The following PRDM6 variants were observed in gnomAD, a reference collection of about 807,000 sequenced individuals.
The protein encoded by PRDM6 is PR/SET domain 6.
Under a neutral mutation model 60.8 loss-of-function variants are expected in PRDM6, and 25 were observed. The ratio of observed to expected loss-of-function variants is 0.41; its 90% CI spans 0.30 to 0.57. The LOEUF is 0.57. Among genes scored for constraint, PRDM6 ranks in the 20% least tolerant of loss-of-function variants. PRDM6 has a pLI of 0.27. For synonymous variants in PRDM6, 407 were observed against 357.4 expected, an observed-to-expected ratio of 1.14 and a Z score of -1.57; for missense variants, 839 against 821.3, an observed-to-expected ratio of 1.02 and a Z score of -0.26.
chr5:123,125,151 T>A (rs59788802), intron 3 of PRDM6, among the ~76,000 whole-genome samples: 126,179 of 139,950 alleles, frequency 0.9, 56,514 homozygotes, highest in East Asian at 0.99. Context: ...CCGCACCCCC[T>A]CCCCCCCACC....
At chr5:123,124,542 A>G (rs1764651577) in intron 3 of PRDM6, among the ~76,000 whole-genome samples, 1 of 152,238 alleles carries the variant, frequency 6.6e-6, no homozygotes, top group Non-Finnish European at 1.5e-5. Flanking sequence ...ATTAAATGGA[A>G]TAAATCTGTT....
intron 3 of PRDM6, among the ~76,000 whole-genome samples, chr5:123,107,410 T>G (rs1044530694): frequency 6.6e-6 from 1 of 152,228 alleles, no homozygotes; most frequent in African/African-American, 2.4e-5. Context: ...CAGGTTTTCC[T>G]ATATAAGAAC....
At chr5:123,129,293 G>A (rs1400145832) in intron 3 of PRDM6, among the ~76,000 whole-genome samples, 1 of 152,110 alleles carries the variant, frequency 6.6e-6, no homozygotes, top group African/African-American at 2.4e-5. Flanking sequence ...TTCTAATTTT[G>A]TGAAGAAAGT....
At position 123,169,125 on chromosome 5, in the gene PRDM6, C is replaced by T. The variant is rs571540431; in HGVS notation, c.1154-1641C>T. ...ACAGTCTTTTTGCCAATATCCTTTT[C>T]AAAATTTTTGGTCTCTAATTTCATT... On this transcript the variant is annotated intron_variant, in intron 5 of 7. Coordinates refer to ENST00000407847, the MANE Select transcript of PRDM6 (RefSeq NM_001136239.4). Among the ~76,000 whole-genome samples, 14 of 152,284 alleles carry T rather than the reference C, an allele frequency of 9.2e-5. No individual in the cohort carries two copies. The East Asian group carries it at 2.7e-3, about 29-fold the overall frequency.
chr5:123,184,134 A>T (rs1766229377), intron 7 of PRDM6, among the ~76,000 whole-genome samples: 3 of 152,222 alleles, frequency 2.0e-5, no homozygotes, highest in African/African-American at 7.2e-5. Flanking sequence ...CACATCATAC[A>T]TACAAAGCCC....
chr5:123,090,366 G>C lies in PRDM6; in HGVS notation c.352G>C (p.Val118Leu), dbSNP rs1310212058. 1 of 1,471,726 alleles carries C rather than the reference G, an allele frequency of 6.8e-7. No homozygotes were observed. Among genetic ancestry groups the C allele is most frequent in the Non-Finnish European group, 9.0e-7 (1 of 1,116,930 alleles). 91.2% of individuals were successfully genotyped at this position (1,471,726 alleles called of 1,614,324 possible). Residue 118 changes from valine (V) to leucine (L), a missense_variant, in exon 2 of 8, where the codon GTG (valine) becomes CTG (leucine). By Grantham distance (32) the Val-to-Leu change is conservative. Coordinates refer to ENST00000407847, the MANE Select transcript of PRDM6 (RefSeq NM_001136239.4). ...GGCCCTGCCGGTGTCGCAGCTGCCG[G>C]TGTTCGCGCCTCTAGCCGCCGCTGC... The part of the protein sequence containing the change: ...LSALPVSQLP[V>L]FAPLAAAAVA...
rs1766375613 is a variant in PRDM6, at chr5:123,189,988, G to A, written c.*2787G>A. The A allele has an allele frequency of 6.6e-6, 1 of 152,152 alleles. No individual in the cohort carries two copies. Among genetic ancestry groups the A allele is most frequent in the African/African-American group, 2.4e-5 (1 of 41,430 alleles). The allele number at this position is 152,152 out of a possible 1,614,324, so 9.4% of individuals were successfully genotyped here. A position where few individuals can be genotyped will look rare whatever the true frequency, so the allele number is the denominator to read the frequency against. On this transcript the variant is annotated 3_prime_UTR_variant, in exon 8 of 8. Transcript: ENST00000407847. ...ACAGTCCCCTGGGATACAGCAAATG[G>A]GTGGTAGAAATTGCAGTCGTAAAAT...
intron 3 of PRDM6, among the ~76,000 whole-genome samples, chr5:123,112,941 G>A (rs1007674586): frequency 9.2e-5 from 14 of 151,832 alleles, no homozygotes; most frequent in African/African-American, 3.1e-4. Context: ...TCAATCTAAT[G>A]TTTAGACATT....
At chr5:123,121,661 A>G (rs1764583350) in intron 3 of PRDM6, among the ~76,000 whole-genome samples, 1 of 152,188 alleles carries the variant, frequency 6.6e-6, no homozygotes, top group African/African-American at 2.4e-5. Flanking sequence ...ACATAACCAC[A>G]ATCCCATCCT....
At chr5:123,129,304 C>T (rs1764766278) in intron 3 of PRDM6, among the ~76,000 whole-genome samples, 1 of 152,172 alleles carries the variant, frequency 6.6e-6, no homozygotes, top group Admixed American at 6.5e-5. Context: ...TGAAGAAAGT[C>T]ATTGGTAGCC....
In PRDM6 at chr5:123,157,925, C is replaced by T. The variant is rs491279; in HGVS notation, c.1029-1589C>T. Among the ~76,000 whole-genome samples the T allele has an allele frequency of 5.0e-3, 754 of 152,310 alleles. 3 individuals carry two copies. The highest frequency in any genetic ancestry group is 0.024 in the Middle Eastern group (7 of 294). On this transcript the variant is annotated intron_variant, in intron 4 of 7. Transcript: ENST00000407847. Reference sequence around the variant, plus strand: ...CCATGAAGCTATCTTTATGAGTCATCCAACCACAATACTAAATACATGTCA... The same window carrying T: ...CCATGAAGCTATCTTTATGAGTCATTCAACCACAATACTAAATACATGTCA...
chr5:123,142,172 G>A (rs1217132149), intron 3 of PRDM6, among the ~76,000 whole-genome samples: 2 of 152,006 alleles, frequency 1.3e-5, no homozygotes, highest in African/African-American at 4.8e-5. Flanking sequence ...ACTTGAAATG[G>A]TTGCATTTTG....
chr5:123,185,328 A>G (rs1766261305), intron 7 of PRDM6, among the ~76,000 whole-genome samples: 1 of 152,198 alleles, frequency 6.6e-6, no homozygotes, highest in Non-Finnish European at 1.5e-5. Context: ...AAAAAGGAAT[A>G]TAATAATTTG....
At chr5:123,167,042 T>C (rs890076094) in intron 5 of PRDM6, among the ~76,000 whole-genome samples, 6 of 152,240 alleles carry the variant, frequency 3.9e-5, no homozygotes, top group African/African-American at 1.2e-4. Context: ...AAATTTCTTG[T>C]GTTTAGTTTA....
chr5:123,124,385 C>T (rs1305561891), intron 3 of PRDM6, among the ~76,000 whole-genome samples: 1 of 152,164 alleles, frequency 6.6e-6, no homozygotes, highest in East Asian at 1.9e-4. Context: ...TCATATAGTG[C>T]TTTAAAAGAC....
intron 3 of PRDM6, among the ~76,000 whole-genome samples, chr5:123,112,867 CATT>C (rs892794152): frequency 1.6e-5 from 2 of 124,422 alleles, no homozygotes; most frequent in Non-Finnish European, 3.2e-5. Context: ...TGAAGTCAAT[CATT>C]AGTGCCACAA....
intron 5 of PRDM6, among the ~76,000 whole-genome samples, chr5:123,168,403 T>A (rs901778610): frequency 6.6e-6 from 1 of 151,952 alleles, no homozygotes; most frequent in Non-Finnish European, 1.5e-5. Context: ...AAAAAAAAAA[T>A]TCTGTCTTAT....
chr5:123,192,205 T>C lies in PRDM6; in HGVS notation c.*5004T>C, dbSNP rs1766446990. The C allele has an allele frequency of 6.6e-6, 1 of 152,254 alleles. No homozygotes were observed. The highest frequency in any genetic ancestry group is 2.4e-5 in the African/African-American group (1 of 41,480). 9.4% of individuals were successfully genotyped at this position (152,254 alleles called of 1,614,324 possible). A position where few individuals can be genotyped will look rare whatever the true frequency, so the allele number is the denominator to read the frequency against. The stretch of plus-strand genomic sequence containing the variant: ...ATTGTGCAATTACTGCCATGCCTTG[T>C]TCTAATGCTTAATGTGGATTATCTC... On this transcript the variant is annotated 3_prime_UTR_variant, in exon 8 of 8. Transcript: ENST00000407847.
intron 2 of PRDM6, among the ~76,000 whole-genome samples, chr5:123,091,437 A>G (rs1763840106): frequency 6.6e-6 from 1 of 152,250 alleles, no homozygotes; most frequent in African/African-American, 2.4e-5. Context: ...CCTCCAAGTT[A>G]ATAGCAAATG....
Sources: gnomAD v4.1 joint callset for allele counts (sites outside exome capture counted in the v4.1 genomes callset) on GRCh38, gnomAD v4.1.1 for gene constraint, MANE v1.5 for transcripts, NCBI Gene and HGNC (gene_info 2026-07-23, HGNC 2026-07-21) for gene names.